CRNKL1: variants seen among roughly 807,000 people sequenced by gnomAD.
The protein encoded by CRNKL1 is crooked neck pre-mRNA splicing factor 1.
Under a neutral mutation model 103.7 loss-of-function variants are expected in CRNKL1, and 35 were observed. The observed-to-expected ratio is 0.34, with a 90% confidence interval of 0.26 to 0.45. The LOEUF (loss-of-function observed/expected upper bound fraction) is 0.45, where lower values mean the gene tolerates loss of function less well. CRNKL1 is among the 20% of genes least tolerant of loss of function. CRNKL1 has a pLI of 1.00. For missense variants in CRNKL1, 645 were observed against 836.0 expected, an observed-to-expected ratio of 0.77 and a Z score of 2.82; for synonymous variants, 267 against 282.6, an observed-to-expected ratio of 0.94 and a Z score of 0.55.
chr20:20,045,602 C>G (rs1210857331), intron 5 of CRNKL1, 116 bp from the exon 6 acceptor site: 1 of 887,064 alleles, frequency 1.1e-6, no homozygotes, highest in African/African-American at 1.7e-5. Flanking sequence ...AACTACAACT[C>G]TAGGGGAACA....
At chr20:20,055,923 A>T, upstream of CRNKL1, 1 of 1,556,434 alleles carries the variant, frequency 6.4e-7, no homozygotes, top group African/African-American at 1.4e-5. Context: ...AATGAGAGAG[A>T]AATTGAAATC....
chr20:20,046,997 T>C (rs536561059), intron 5 of CRNKL1, among the ~76,000 whole-genome samples: 3 of 152,378 alleles, frequency 2.0e-5, no homozygotes, highest in African/African-American at 7.2e-5. Flanking sequence ...TCATTTAATC[T>C]TCGCAACAGC....
At chr20:20,055,589 CTTTTCTTG>C (rs1169701711), upstream of CRNKL1, among the ~76,000 whole-genome samples, 1 of 152,144 alleles carries the variant, frequency 6.6e-6, no homozygotes, top group Non-Finnish European at 1.5e-5. Flanking sequence ...TTTCTTTCTT[CTTTTCTTG>C]TTTTCTTTTT....
chr20:20,039,956 T>C lies in CRNKL1; in HGVS notation c.1306-108A>G, dbSNP rs2043485856. ...TCTGCTGAGGAAGAATCTTGCAAAG[T>C]CAACATGGCCTACCATTCTTTCCCT... On this transcript the variant is annotated intron_variant, in intron 10 of 13. Transcript: ENST00000536226. The C allele has an allele frequency of 5.3e-6, 6 of 1,131,394 alleles. No homozygotes were observed. In the Admixed American group the frequency reaches 1.3e-4, roughly 25 times the overall value. The allele number at this position is 1,131,394 out of a possible 1,614,324, so 70.1% of individuals were successfully genotyped here. A position where few individuals can be genotyped will look rare whatever the true frequency, so the allele number is the denominator to read the frequency against.
chr20:20,037,206 G>C (rs1486324155), intron 13 of CRNKL1, 117 bp downstream of exon 13: 2 of 1,213,330 alleles, frequency 1.6e-6, no homozygotes, highest in African/African-American at 3.0e-5. Flanking sequence ...TCCTACTCCA[G>C]GTGGTCTGCT....
chr20:20,052,903 G>T (rs2043867816), upstream of CRNKL1: 1 of 586,222 alleles, frequency 1.7e-6, no homozygotes, highest in South Asian at 2.2e-5. Flanking sequence ...TCTGGTTTCG[G>T]GACAGTTGTG....
At chr20:20,052,695 A>C (rs777956093), upstream of CRNKL1, 7 of 1,612,410 alleles carry the variant, frequency 4.3e-6, no homozygotes, top group East Asian at 1.6e-4. Flanking sequence ...CCAGGCGAGG[A>C]CGAGTGGCTC....
intron 11 of CRNKL1, 139 bp downstream of exon 11, chr20:20,039,470 A>G: frequency 9.7e-7 from 1 of 1,036,214 alleles, no homozygotes; most frequent in Non-Finnish European, 1.4e-6. Context: ...CTTTCCACGT[A>G]CAAGCCTAAT....
rs976804326 is a variant in CRNKL1, at chr20:20,035,882, T to C, written c.*313A>G. The C allele has an allele frequency of 4.7e-6, 1 of 210,876 alleles. No individual in the cohort carries two copies. The allele number at this position is 210,876 out of a possible 1,614,324, so 13.1% of individuals were successfully genotyped here. On this transcript the variant is annotated 3_prime_UTR_variant, in exon 14 of 14. Coordinates refer to ENST00000536226, the MANE Select transcript of CRNKL1 (RefSeq NM_001278628.2). ...ACACATTTCAGATGAATGCATAAAC[T>C]ATCTTTATGGGTATGACATGAAAAG...
In CRNKL1 at chr20:20,043,513, G is replaced by A. The variant is rs529186878; in HGVS notation, c.951C>T (p.Phe317=). Reference sequence around the variant, plus strand: ...TCACCTTCACTTCTTCTTCGTACTGGAATCTCCGTTTGCTCACAATGATAT... The same window carrying A: ...TCACCTTCACTTCTTCTTCGTACTGAAATCTCCGTTTGCTCACAATGATAT... The part of the protein sequence containing the change: ...IEDIIVSKRR[F]QYEEEVKANP... The change falls in exon 7 of 14, where the codon TTC becomes TTT. Residue 317 remains phenylalanine (F), a synonymous_variant. Coordinates refer to ENST00000536226, the MANE Select transcript of CRNKL1 (RefSeq NM_001278628.2). 10 of 1,613,848 alleles carry A rather than the reference G, an allele frequency of 6.2e-6. No homozygotes were observed. The Admixed American group carries it at 1.2e-4, about 19-fold the overall frequency.
chr20:20,052,228 C>A (rs2043773604), intron 1 of CRNKL1, 64 bp downstream of exon 1: 2 of 1,430,122 alleles, frequency 1.4e-6, no homozygotes, highest in South Asian at 2.5e-5. Flanking sequence ...ACCCGGGCAC[C>A]CTCAGGGCTG....
rs1034668826 is a variant in CRNKL1, at chr20:20,040,748, A to G, written c.1243T>C (p.Trp415Arg). ...PHKKFTFAKM[W>R]ILYAQFEIRQ... is the part of the protein sequence containing the mutation. ...ATTTCAAACTGTGCATACAGTATCC[A>G]CATTTTGGCAAATGTGAACTAGAAA... The change falls in exon 10 of 14, where the codon TGG becomes CGG. Residue 415 changes from tryptophan (W) to arginine (R), a missense_variant. Coordinates refer to ENST00000536226, the MANE Select transcript of CRNKL1 (RefSeq NM_001278628.2). 1.9e-6 allele frequency: 3 copies of G among 1,610,020 alleles called. No individual in the cohort carries two copies. The highest frequency in any genetic ancestry group is 2.5e-6 in the Non-Finnish European group (3 of 1,179,186).
At chr20:20,038,311 T>G (rs938088555) in intron 12 of CRNKL1, 38 bp downstream of exon 12, 1 of 1,304,850 alleles carries the variant, frequency 7.7e-7, no homozygotes, top group African/African-American at 1.5e-5. Context: ...GACTGCTGAT[T>G]CAAGCAAAAT....
intron 2 of CRNKL1, 61 bp from the exon 3 acceptor site, chr20:20,049,492 G>T: frequency 1.2e-6 from 1 of 849,216 alleles, no homozygotes; most frequent in Non-Finnish European, 1.9e-6. Context: ...CAGCACCCTT[G>T]GTCTATTTTA....
At position 20,038,329 on chromosome 20, in the gene CRNKL1, C is replaced by A; in HGVS notation, c.1647+20G>T. 6.9e-7 allele frequency: 1 copy of A among 1,444,944 alleles called. No individual in the cohort carries two copies. The highest frequency in any genetic ancestry group is 1.2e-5 in the South Asian group (1 of 81,698). The allele number at this position is 1,444,944 out of a possible 1,614,324, so 89.5% of individuals were successfully genotyped here. A position where few individuals can be genotyped will look rare whatever the true frequency, so the allele number is the denominator to read the frequency against. On this transcript the variant is annotated intron_variant, in intron 12 of 13. Transcript: ENST00000536226. ...TGCTGATTCAAGCAAAATGAAAGAT[C>A]ATCTACAAAGCAAGGATACCTTGAC...
At chr20:20,037,908 A>C (rs1425352611) in intron 12 of CRNKL1, among the ~76,000 whole-genome samples, 1 of 152,122 alleles carries the variant, frequency 6.6e-6, no homozygotes, top group Non-Finnish European at 1.5e-5. Flanking sequence ...CCAACAGGTG[A>C]AACCCTGTCT....
intron 11 of CRNKL1, 39 bp downstream of exon 11, chr20:20,039,570 G>C: frequency 6.2e-7 from 1 of 1,609,796 alleles, no homozygotes; most frequent in Non-Finnish European, 8.5e-7. Flanking sequence ...GACTAAACAC[G>C]TATCTCAAAC....
At chr20:20,053,669 G>T (rs1007548097), upstream of CRNKL1, among the ~76,000 whole-genome samples, 6 of 152,056 alleles carry the variant, frequency 3.9e-5, no homozygotes, top group African/African-American at 1.4e-4. Context: ...ACTGCAGTCA[G>T]TTATAACCAA....
chr20:20,037,491 T>G lies in CRNKL1; in HGVS notation c.1728A>C (p.Glu576Asp), dbSNP rs1489260086. 1 of 1,614,238 alleles carries G rather than the reference T, an allele frequency of 6.2e-7. No homozygotes were observed. The highest frequency in any genetic ancestry group is 1.1e-5 in the South Asian group (1 of 91,086). Residue 576 changes from glutamate to aspartate, a missense_variant, in exon 13 of 14, where the codon GAA becomes GAC. Glu to Asp is a conservative substitution (Grantham distance 45). Around this residue, in one of 2 missense-constraint regions of CRNKL1, gnomAD observed 582 missense variants for 707.7 expected, o/e 0.82. Coordinates refer to ENST00000536226, the MANE Select transcript of CRNKL1 (RefSeq NM_001278628.2). ...CACAGTTTCGCATGGTTTTGTTAGC[T>G]TCTTCATAAATTTGTCTGCATTTAG... The part of the protein sequence containing the change: ...SLTKCRQIYE[E>D]ANKTMRNCEE...
Sources: gnomAD v4.1 joint callset for allele counts (sites outside exome capture counted in the v4.1 genomes callset) on GRCh38, gnomAD v4.1.1 for gene constraint, gnomAD v4.1.1 regional missense constraint, MANE v1.5 for transcripts, NCBI Gene and HGNC (gene_info 2026-07-23, HGNC 2026-07-21) for gene names.